SNTB2: variants seen among roughly 807,000 people sequenced by gnomAD.
SNTB2 encodes the protein beta-2-syntrophin.
In SNTB2, 34 loss-of-function variants were observed where a neutral mutation model predicts 46.2. The ratio of observed to expected loss-of-function variants is 0.74; its 90% CI spans 0.56 to 0.98. The LOEUF (loss-of-function observed/expected upper bound fraction) is 0.98. Ranked by LOEUF, SNTB2 falls within the 50% of genes least tolerant of loss-of-function variation. SNTB2 has a pLI of 0.00. For missense variants in SNTB2, 603 were observed against 731.4 expected (o/e 0.82, Z 2.02); for synonymous variants, 290 against 312.6 (o/e 0.93, Z 0.76).
chr16:69,278,232 T>G (rs1965000394), intron 4 of SNTB2, among the ~76,000 whole-genome samples: 1 of 152,054 alleles, frequency 6.6e-6, no homozygotes. Context: ...GGGAGGATTG[T>G]TTGAGCTGGG....
At chr16:69,251,176 C>T (rs1317851039) in intron 2 of SNTB2, among the ~76,000 whole-genome samples, 1 of 150,848 alleles carries the variant, frequency 6.6e-6, no homozygotes, top group East Asian at 2.0e-4. Context: ...GACGGGGTTT[C>T]ACCGTTTTAG....
intron 1 of SNTB2, among the ~76,000 whole-genome samples, chr16:69,209,778 T>C (rs569298127): frequency 2.2e-4 from 34 of 152,204 alleles, no homozygotes; most frequent in South Asian, 1.0e-3. Context: ...TTTAAACTTA[T>C]ATCTAATTTA....
At position 69,301,016 on chromosome 16, in the gene SNTB2, T is replaced by C; in HGVS notation, c.*92T>C. ...CACAAAAAGAAACTCTTTGCTCTCC[T>C]TCAGCACAGTGCCTTCCCAAGGACC... On this transcript the variant is annotated 3_prime_UTR_variant, in exon 7 of 7. Transcript: ENST00000336278. 2 of 761,660 alleles carry C rather than the reference T, an allele frequency of 2.6e-6. No individual in the cohort carries two copies. Among genetic ancestry groups the C allele is most frequent in the Admixed American group, 2.5e-5 (1 of 40,598 alleles). The allele number at this position is 761,660 out of a possible 1,614,324, so 47.2% of individuals were successfully genotyped here.
At chr16:69,286,419 C>T (rs1359270680) in intron 5 of SNTB2, among the ~76,000 whole-genome samples, 1 of 152,234 alleles carries the variant, frequency 6.6e-6, no homozygotes, top group East Asian at 1.9e-4. Flanking sequence ...TACACTGGCT[C>T]ATGCCTGTAA....
intron 1 of SNTB2, among the ~76,000 whole-genome samples, chr16:69,204,388 A>C (rs1043496187): frequency 1.3e-5 from 2 of 152,202 alleles, no homozygotes; most frequent in African/African-American, 4.8e-5. Flanking sequence ...GTGTGCCATC[A>C]GGTCTTATTC....
chr16:69,250,297 A>G (rs1964713739), intron 2 of SNTB2, among the ~76,000 whole-genome samples: 1 of 152,216 alleles, frequency 6.6e-6, no homozygotes, highest in Non-Finnish European at 1.5e-5. Context: ...GTGTCTTGGC[A>G]GAAAAAATGT....
At chr16:69,251,010 G>A (rs1312137394) in intron 2 of SNTB2, among the ~76,000 whole-genome samples, 3 of 140,318 alleles carry the variant, frequency 2.1e-5, no homozygotes, top group Non-Finnish European at 1.5e-5. Flanking sequence ...ACGGAGTCTC[G>A]CTCTGTCGCC....
intron 1 of SNTB2, among the ~76,000 whole-genome samples, chr16:69,234,851 C>T (rs193283343): frequency 1.3e-4 from 20 of 152,130 alleles, no homozygotes; most frequent in Admixed American, 2.6e-4. Flanking sequence ...TACAGATGCC[C>T]GTCACCATGC....
At chr16:69,198,232 C>T (rs1363018788) in intron 1 of SNTB2, among the ~76,000 whole-genome samples, 5 of 151,804 alleles carry the variant, frequency 3.3e-5, no homozygotes, top group African/African-American at 1.2e-4. Context: ...CCTCAGCCTC[C>T]TGAGTAGCTG....
At chr16:69,244,167 C>G (rs1338916100) in intron 1 of SNTB2, among the ~76,000 whole-genome samples, 2 of 152,182 alleles carry the variant, frequency 1.3e-5, no homozygotes, top group African/African-American at 4.8e-5. Flanking sequence ...AGGATTTGAA[C>G]AAGGTCTTCT....
At position 69,270,248 on chromosome 16, in the gene SNTB2, G is replaced by A; in HGVS notation, c.1111G>A (p.Ala371Thr). The A allele has an allele frequency of 1.2e-6, 2 of 1,614,088 alleles. No homozygotes were observed. Among genetic ancestry groups the A allele is most frequent in the Admixed American group, 1.7e-5 (1 of 59,988 alleles). The change falls in exon 4 of 7, where the codon GCG (alanine) becomes ACG (threonine). Residue 371 changes from alanine to threonine, a missense_variant. Around this residue, in one of 2 missense-constraint regions of SNTB2, gnomAD observed 537 missense variants for 692.4 expected, o/e 0.78. Transcript: ENST00000336278. The part of the protein sequence containing the change: ...DCMPWTRDAW[A>T]SPCHSYPLVA... ...TATGCCGTGGACAAGAGATGCCTGG[G>A]CGTCACCATGCCACAGCTACCCACT...
chr16:69,200,667 A>C (rs1329287720), intron 1 of SNTB2, among the ~76,000 whole-genome samples: 1 of 152,004 alleles, frequency 6.6e-6, no homozygotes, highest in East Asian at 1.9e-4. Context: ...TGTTTCGTTT[A>C]TTTATTTTAT....
At chr16:69,188,233 C>T (rs571675760) in intron 1 of SNTB2, among the ~76,000 whole-genome samples, 38 of 152,178 alleles carry the variant, frequency 2.5e-4, no homozygotes, top group African/African-American at 9.2e-4. Context: ...TTTAACCCAT[C>T]ATTGGCTCTC....
At chr16:69,274,051 C>T (rs577895705) in intron 4 of SNTB2, among the ~76,000 whole-genome samples, 14 of 152,138 alleles carry the variant, frequency 9.2e-5, no homozygotes, top group Non-Finnish European at 2.1e-4. Context: ...CAGTGGTTCA[C>T]GCCTATAATC....
At chr16:69,190,689 C>T (rs1310211410) in intron 1 of SNTB2, among the ~76,000 whole-genome samples, 2 of 152,118 alleles carry the variant, frequency 1.3e-5, no homozygotes, top group Admixed American at 6.5e-5. Flanking sequence ...AGTAAAGACA[C>T]AGAAGTGCAA....
intron 1 of SNTB2, among the ~76,000 whole-genome samples, chr16:69,210,809 A>G (rs1964276086): frequency 1.3e-5 from 2 of 152,082 alleles, no homozygotes; most frequent in African/African-American, 2.4e-5. Flanking sequence ...CATGGCCAAT[A>G]TGGGGAAACC....
At chr16:69,221,310 CTTGATACATGA>C (rs768625441) in intron 1 of SNTB2, among the ~76,000 whole-genome samples, 22 of 152,130 alleles carry the variant, frequency 1.4e-4, no homozygotes, top group Non-Finnish European at 2.9e-4. Flanking sequence ...GTAATAAATG[CTTGATACATGA>C]TTTTCTAGTG....
chr16:69,215,107 C>T (rs1964333761), intron 1 of SNTB2, among the ~76,000 whole-genome samples: 2 of 152,246 alleles, frequency 1.3e-5, no homozygotes, highest in South Asian at 2.1e-4. Flanking sequence ...ACGATCCACC[C>T]ACTCCCTCCC....
rs869256985 is a variant in SNTB2, at chr16:69,250,981, GTTT to G, written c.794+5179_794+5181del. ...AAAGGAAATATCCATTTGTTTATCT[GTTT>G]TTTTTTTTTTTTGAGACGGAGTCTC... On this transcript the variant is annotated intron_variant, in intron 2 of 6. Transcript: ENST00000336278. Among the ~76,000 whole-genome samples, 7 of 140,730 alleles carry G rather than the reference GTTT, an allele frequency of 5.0e-5. No homozygotes were observed. The East Asian group carries it at 1.4e-3, about 29-fold the overall frequency. The allele number at this position is 140,730 out of a possible 152,430, so 92.3% of individuals were successfully genotyped here. A position where few individuals can be genotyped will look rare whatever the true frequency, so the allele number is the denominator to read the frequency against.
Sources: gnomAD v4.1 joint callset for allele counts (sites outside exome capture counted in the v4.1 genomes callset) on GRCh38, gnomAD v4.1.1 for gene constraint, gnomAD v4.1.1 regional missense constraint, MANE v1.5 for transcripts, NCBI Gene and HGNC (gene_info 2026-07-23, HGNC 2026-07-21) for gene names.